PCDHA1: variants seen among roughly 807,000 people sequenced by gnomAD.
PCDHA1 encodes the protein protocadherin alpha-1.
Under a neutral mutation model 61.3 loss-of-function variants are expected in PCDHA1, and 42 were observed. That is an observed-to-expected ratio of 0.69 (90% confidence interval 0.54 to 0.89). The LOEUF (loss-of-function observed/expected upper bound fraction) is 0.89, where lower values mean the gene tolerates loss of function less well. PCDHA1 is among the 40% of genes least tolerant of loss of function. The pLI is 0.00. For synonymous variants in PCDHA1, 610 were observed against 553.8 expected (o/e 1.10, Z -1.43); for missense variants, 1,256 against 1,235.3 (o/e 1.02, Z -0.25).
intron 1 of PCDHA1, chr5:140,856,070 C>G (rs533914587): frequency 1.3e-6 from 2 of 1,591,758 alleles, no homozygotes; most frequent in South Asian, 2.2e-5. Context: ...ATGTAGCTGC[C>G]TGGGGGTCCA....
chr5:140,982,264 TG>T, intron 2 of PCDHA1: 1 of 865,882 alleles, frequency 1.2e-6, no homozygotes, highest in Non-Finnish European at 1.7e-6. Flanking sequence ...TGTGTGTTCC[TG>T]GAATAGTATA....
intron 1 of PCDHA1, among the ~76,000 whole-genome samples, chr5:140,959,410 T>C (rs564453268): frequency 6.6e-5 from 10 of 152,300 alleles, no homozygotes; most frequent in Non-Finnish European, 1.3e-4. Flanking sequence ...AAGTGTTGAT[T>C]GATCTGAGAA....
At chr5:140,905,135 T>A (rs2071619691) in intron 1 of PCDHA1, among the ~76,000 whole-genome samples, 1 of 152,208 alleles carries the variant, frequency 6.6e-6, no homozygotes, top group Non-Finnish European at 1.5e-5. Context: ...GAAGAGTTTT[T>A]CTGCTGTTAT....
At chr5:140,831,018 G>C (rs1251776319) in intron 1 of PCDHA1, 1 of 152,212 alleles carries the variant, frequency 6.6e-6, no homozygotes, top group Non-Finnish European at 1.5e-5. Flanking sequence ...TCCCTTTTCA[G>C]ACTTGTGATT....
At position 140,788,237 on chromosome 5, in the gene PCDHA1, GC is replaced by G; in HGVS notation, c.1948del (p.Leu650Ter). ...ADLSRYRLLV[L>X]VKDHGEPALT... The stretch of plus-strand genomic sequence containing the variant: ...ACTTGTCGCGCTACCGCCTTCTGGT[GC>G]TAGTGAAGGATCACGGTGAGCCGGC... On this transcript the variant is annotated frameshift_variant, in exon 1 of 4. Transcript: ENST00000504120. LOFTEE classifies it high-confidence loss of function. 6.2e-7 allele frequency: 1 copy of G among 1,614,032 alleles called. No homozygotes were observed. Among genetic ancestry groups the G allele is most frequent in the Middle Eastern group, 1.6e-4 (1 of 6,062 alleles).
intron 1 of PCDHA1, chr5:140,829,865 G>A: frequency 6.2e-7 from 1 of 1,613,946 alleles, no homozygotes; most frequent in Non-Finnish European, 8.5e-7. Context: ...CCAAGTGGTG[G>A]CGAAGGTGCG....
At chr5:140,991,420 A>G (rs1413227137) in intron 3 of PCDHA1, among the ~76,000 whole-genome samples, 2 of 152,234 alleles carry the variant, frequency 1.3e-5, no homozygotes, top group Admixed American at 6.5e-5. Flanking sequence ...GCTATAACAA[A>G]TTAACCATAA....
rs373952073 is a variant in PCDHA1, at chr5:140,809,404, G to T, written c.2394+20720G>T. 25 of 1,614,214 alleles carry T rather than the reference G, an allele frequency of 1.5e-5. No individual in the cohort carries two copies. In the African/African-American group the frequency reaches 1.6e-4, roughly 10 times the overall value. On this transcript the variant is annotated intron_variant, in intron 1 of 3. Coordinates refer to ENST00000504120, the MANE Select transcript of PCDHA1 (RefSeq NM_018900.4). The stretch of plus-strand genomic sequence containing the variant: ...CGTGCGCTCCGGGCAAGCCCACGCT[G>T]GTGTGCTCCAGTGCGGTGGGGAGCT...
intron 1 of PCDHA1, chr5:140,788,993 C>T: frequency 2.5e-6 from 1 of 406,100 alleles, no homozygotes; most frequent in African/African-American, 2.0e-5. Context: ...AGTAAAATAA[C>T]AGTGACATAT....
intron 1 of PCDHA1, among the ~76,000 whole-genome samples, chr5:140,900,706 A>G (rs1279378955): frequency 6.6e-6 from 1 of 152,154 alleles, no homozygotes; most frequent in Admixed American, 6.5e-5. Flanking sequence ...GTTCTTTTGG[A>G]AAGAAAGGAA....
chr5:140,803,678 A>G (rs781820342), intron 1 of PCDHA1: 7 of 1,587,986 alleles, frequency 4.4e-6, no homozygotes, highest in Non-Finnish European at 5.1e-6. Context: ...ATTAATAGTT[A>G]AGTATGAATT....
chr5:140,940,844 T>C (rs942965203), intron 1 of PCDHA1, among the ~76,000 whole-genome samples: 1 of 152,228 alleles, frequency 6.6e-6, no homozygotes. Flanking sequence ...TTCTTCACGA[T>C]AGATTTTTAT....
chr5:140,786,602 C>T lies in PCDHA1; in HGVS notation c.312C>T (p.Ile104=). The change falls in exon 1 of 4, where the codon ATC becomes ATT. Residue 104 remains isoleucine, a synonymous_variant. Coordinates refer to ENST00000504120, the MANE Select transcript of PCDHA1 (RefSeq NM_018900.4). ...GCCAGTGGAGCGCGGAGTGCAGCAT[C>T]CACCTGGAGTTGATCGCCGACAGGC... ...ELCQWSAECS[I]HLELIADRPL... is the part of the protein sequence containing the mutation. 6.2e-7 allele frequency: 1 copy of T among 1,614,258 alleles called. No individual in the cohort carries two copies.
chr5:140,834,414 G>T, intron 1 of PCDHA1: 1 of 1,611,396 alleles, frequency 6.2e-7, no homozygotes. Flanking sequence ...CGACCCAGGG[G>T]GCCGACATCT....
Position 140,796,972 on chromosome 5 carries a change from G to C in PCDHA1, c.2394+8288G>C, listed in dbSNP as rs1369166743. The stretch of plus-strand genomic sequence containing the variant: ...CACGGCCACCGTGTTAGTGTCGTTG[G>C]TGGAAAGTGGCCAGGCACCCAAGGC... On this transcript the variant is annotated intron_variant, in intron 1 of 3. Coordinates refer to ENST00000504120, the MANE Select transcript of PCDHA1 (RefSeq NM_018900.4). The C allele has an allele frequency of 5.6e-6, 9 of 1,613,832 alleles. No homozygotes were observed. Among genetic ancestry groups the C allele is most frequent in the Non-Finnish European group, 7.6e-6 (9 of 1,179,974 alleles).
At chr5:140,927,300 C>T (rs2084061617) in intron 1 of PCDHA1, 2 of 1,614,052 alleles carry the variant, frequency 1.2e-6, no homozygotes, top group South Asian at 2.2e-5. Flanking sequence ...TCCCCGAGTT[C>T]CTGACGCCCG....
intron 1 of PCDHA1, chr5:140,927,237 G>A (rs1554204217): frequency 1.2e-6 from 2 of 1,614,110 alleles, no homozygotes; most frequent in Admixed American, 1.7e-5. Flanking sequence ...TTCACGTCCT[G>A]GACACCAATG....
At chr5:140,969,149 G>A (rs782510891) in intron 1 of PCDHA1, 89 of 1,614,002 alleles carry the variant, frequency 5.5e-5, no homozygotes, top group Non-Finnish European at 6.8e-5. Context: ...CTGCTACAAG[G>A]CCTGTCTGAC....
chr5:140,823,891 G>T, intron 1 of PCDHA1: 5 of 1,613,962 alleles, frequency 3.1e-6, no homozygotes, highest in Non-Finnish European at 4.2e-6. Context: ...CATCTGTGCG[G>T]TGTCCAGCCT....
Sources: gnomAD v4.1 joint callset for allele counts (sites outside exome capture counted in the v4.1 genomes callset) on GRCh38, gnomAD v4.1.1 for gene constraint, MANE v1.5 for transcripts, NCBI Gene and HGNC (gene_info 2026-07-23, HGNC 2026-07-21) for gene names.